Variants in TEX2 observed in about 807,000 individuals in gnomAD.
TEX2 encodes the protein testis-expressed protein 2.
TEX2 carries 53 observed loss-of-function variants against 106.9 expected under a neutral mutation model. The observed-to-expected ratio is 0.50, with a 90% CI of 0.40 to 0.62. The LOEUF (loss-of-function observed/expected upper bound fraction) is 0.62, where lower values mean the gene tolerates loss of function less well. TEX2 is among the 20% of genes least tolerant of loss of function. The probability of loss-of-function intolerance (pLI) is 0.00; values close to 1 mark genes in which losing one functional copy is unlikely to be tolerated. For synonymous variants in TEX2, 523 were observed against 534.8 expected, an observed-to-expected ratio of 0.98 and a Z score of 0.30; for missense variants, 1,207 against 1,379.0, an observed-to-expected ratio of 0.88 and a Z score of 1.98.
At chr17:64,208,500 A>G (rs2032906803) in intron 2 of TEX2, among the ~76,000 whole-genome samples, 1 of 152,064 alleles carries the variant, frequency 6.6e-6, no homozygotes, top group African/African-American at 2.4e-5. Context: ...TGGCCTTCCA[A>G]AGTGCTGGGA....
chr17:64,252,786 T>C (rs1555637175), intron 1 of TEX2, among the ~76,000 whole-genome samples: 1 of 152,194 alleles, frequency 6.6e-6, no homozygotes, highest in East Asian at 1.9e-4. Flanking sequence ...ACAAGGTCCC[T>C]GCCTTCTTGG....
At chr17:64,256,875 T>TTC (rs2034194512) in intron 1 of TEX2, among the ~76,000 whole-genome samples, 1 of 152,150 alleles carries the variant, frequency 6.6e-6, no homozygotes, top group Admixed American at 6.5e-5. Context: ...TCTATAAGAA[T>TTC]ACAGCCCAAA....
At position 64,254,585 on chromosome 17, in the gene TEX2, G is replaced by GTT. The variant is rs142987835; in HGVS notation, c.-26+8581_-26+8582dup. On this transcript the variant is annotated intron_variant, in intron 1 of 11. Transcript: ENST00000584379. ...TGCACAGAGGCACTGCTACAGGGTT[G>GTT]TTTGCATGTTTGATGTGAATTTCCC... Among the ~76,000 whole-genome samples the GTT allele has an allele frequency of 8.1e-4, 123 of 152,322 alleles. 1 individual carries two copies. In the East Asian group the frequency reaches 0.019, roughly 23 times the overall value.
chr17:64,261,617 C>T (rs2034288591), intron 1 of TEX2, among the ~76,000 whole-genome samples: 1 of 152,098 alleles, frequency 6.6e-6, no homozygotes, highest in South Asian at 2.1e-4. Context: ...AATCTCCTTC[C>T]TCTCAGGCAC....
At chr17:64,247,996 T>C (rs2034022644) in intron 1 of TEX2, among the ~76,000 whole-genome samples, 1 of 152,104 alleles carries the variant, frequency 6.6e-6, no homozygotes, top group African/African-American at 2.4e-5. Context: ...CCTAGGGCAT[T>C]TGGGCAAGAC....
chr17:64,253,608 T>C (rs541872212), intron 1 of TEX2, among the ~76,000 whole-genome samples: 1 of 152,248 alleles, frequency 6.6e-6, no homozygotes, highest in Admixed American at 6.5e-5. Context: ...ACTAGAACAG[T>C]GGCAGAGAAG....
At chr17:64,232,640 G>A (rs1490972991) in intron 1 of TEX2, among the ~76,000 whole-genome samples, 1 of 152,150 alleles carries the variant, frequency 6.6e-6, no homozygotes, top group Non-Finnish European at 1.5e-5. Context: ...ACCAGCTCCA[G>A]TAACAATATC....
chr17:64,158,674 G>A (rs1282627908), intron 8 of TEX2, among the ~76,000 whole-genome samples: 1 of 152,202 alleles, frequency 6.6e-6, no homozygotes, highest in Non-Finnish European at 1.5e-5. Context: ...CCACGGATGG[G>A]CTTTCAGAGA....
At chr17:64,168,998 C>T (rs1388679678) in intron 7 of TEX2, among the ~76,000 whole-genome samples, 5 of 147,850 alleles carry the variant, frequency 3.4e-5, no homozygotes, top group African/African-American at 7.5e-5. Context: ...TGCTAGGGCC[C>T]GAGGTTACAT....
chr17:64,148,850 G>A lies in TEX2; in HGVS notation c.*119C>T. ...GGGCACTGGCAGGCAGAGGGCAGAA[G>A]CAGTCCTTTAAGAAACAGTAGCTGT... is the stretch of plus-strand genomic sequence containing the variant. On this transcript the variant is annotated 3_prime_UTR_variant, in exon 12 of 12. Coordinates refer to ENST00000584379, the MANE Select transcript of TEX2 (RefSeq NM_001288732.2). The A allele has an allele frequency of 7.7e-7, 1 of 1,297,534 alleles. No homozygotes were observed. 80.4% of individuals were successfully genotyped at this position (1,297,534 alleles called of 1,614,324 possible). A position where few individuals can be genotyped will look rare whatever the true frequency, so the allele number is the denominator to read the frequency against.
At chr17:64,256,064 C>A (rs1341569017) in intron 1 of TEX2, 2 of 152,262 alleles carry the variant, frequency 1.3e-5, no homozygotes, top group African/African-American at 4.8e-5. Context: ...GCTTAGCACA[C>A]CACAGAAAGT....
At chr17:64,178,595 T>C (rs1292704242) in intron 5 of TEX2, among the ~76,000 whole-genome samples, 5 of 152,220 alleles carry the variant, frequency 3.3e-5, no homozygotes, top group Non-Finnish European at 5.9e-5. Flanking sequence ...CCCCCTGATA[T>C]GGCAGACATT....
chr17:64,153,256 T>C lies in TEX2; in HGVS notation c.2931-102A>G. The stretch of plus-strand genomic sequence containing the variant: ...CCCCTTACTTTAGAGCACCACTCGA[T>C]GTTTTGGATGTGGTGATTCTGTGTT... On this transcript the variant is annotated intron_variant, in intron 9 of 11. Transcript: ENST00000584379. The surrounding 1 kb of genome is among the most constrained non-coding windows in gnomAD (Gnocchi z 4.1). 2.6e-6 allele frequency: 2 copies of C among 781,804 alleles called. No individual in the cohort carries two copies. The highest frequency in any genetic ancestry group is 5.2e-5 in the East Asian group (2 of 38,482). 48.4% of individuals were successfully genotyped at this position (781,804 alleles called of 1,614,324 possible).
At chr17:64,248,177 T>C (rs768789763) in intron 1 of TEX2, among the ~76,000 whole-genome samples, 1 of 152,120 alleles carries the variant, frequency 6.6e-6, no homozygotes, top group Non-Finnish European at 1.5e-5. Context: ...CTGCAAAACA[T>C]ACCTAAGTGC....
intron 2 of TEX2, among the ~76,000 whole-genome samples, chr17:64,208,294 G>A (rs12941493): frequency 0.55 from 83,662 of 151,526 alleles, 24,527 homozygotes; most frequent in East Asian, 0.83. Context: ...GCTGGAGTGC[G>A]GTGGCATGAT....
rs1009635945 is a variant in TEX2, at chr17:64,177,377, T to C, written c.2519A>G (p.Tyr840Cys). The C allele has an allele frequency of 1.2e-6, 2 of 1,614,118 alleles. No individual in the cohort carries two copies. Among genetic ancestry groups the C allele is most frequent in the Non-Finnish European group, 1.7e-6 (2 of 1,180,042 alleles). The change falls in exon 6 of 12, where the codon TAC becomes TGC. Residue 840 changes from tyrosine (Y) to cysteine (C), a missense_variant. Transcript: ENST00000584379. ...CTTCTTAGACACCAGATCAGACCAG[T>C]ATTTCTCTCCTAAGAAGTCCCAAAA... ...RIFWDFLGEK[Y>C]WSDLVSKKIQ...
In TEX2 at chr17:64,214,107, G is replaced by A; in HGVS notation, c.111C>T (p.His37=). The part of the protein sequence containing the change: ...RSVSRDTIAI[H]FSASGEEEEE... ...CCTCCTCCTCGCCGGATGCCGAGAA[G>A]TGAATGGCGATGGTATCTCGGGACA... Residue 37 remains histidine (H), a synonymous_variant, in exon 2 of 12, where the codon CAC becomes CAT. Transcript: ENST00000584379. The A allele has an allele frequency of 6.2e-7, 1 of 1,614,198 alleles. No individual in the cohort carries two copies. The highest frequency in any genetic ancestry group is 8.5e-7 in the Non-Finnish European group (1 of 1,180,046).
At chr17:64,262,604 T>C (rs1232199383) in intron 1 of TEX2, among the ~76,000 whole-genome samples, 2 of 152,298 alleles carry the variant, frequency 1.3e-5, no homozygotes, top group African/African-American at 4.8e-5. Context: ...CCAATGTCAC[T>C]TGTTAACCTT....
At chr17:64,171,921 G>A (rs1199317588) in intron 6 of TEX2, among the ~76,000 whole-genome samples, 3 of 151,466 alleles carry the variant, frequency 2.0e-5, no homozygotes, top group East Asian at 1.9e-4. Flanking sequence ...CAGAGGTTGC[G>A]GTGAGCTGAG....
Sources: allele counts gnomAD v4.1 joint callset (sites outside exome capture counted in the v4.1 genomes callset), GRCh38; gene constraint gnomAD v4.1.1; non-coding constraint Gnocchi (gnomAD v3.1); transcripts MANE v1.5; gene names NCBI Gene and HGNC (gene_info 2026-07-23, HGNC 2026-07-21).